Variants in TMEM232 observed in about 807,000 individuals in gnomAD.
TMEM232 encodes the protein transmembrane protein 232.
A neutral mutation model predicts 78.8 loss-of-function variants in TMEM232; 80 were observed. The ratio of observed to expected loss-of-function variants is 1.01; its 90% CI spans 0.85 to 1.22. TMEM232 has a LOEUF of 1.22. TMEM232 is among the 50% of genes most tolerant of loss of function. The pLI, the probability that TMEM232 is intolerant of heterozygous loss-of-function variation, is 0.00. For synonymous variants in TMEM232, 297 were observed against 254.3 expected, an observed-to-expected ratio of 1.17 and a Z score of -1.60; for missense variants, 881 against 742.2, an observed-to-expected ratio of 1.19 and a Z score of -2.17.
Position 110,595,538 on chromosome 5 carries a change from C to T in TMEM232, c.1276+9571G>A, listed in dbSNP as rs181638495. ...AACTAAGAATTTTGATAAAAGGTTA[C>T]AGGAACTGCTAACTAGAATATCCAG... On this transcript the variant is annotated intron_variant, in intron 10 of 13. Transcript: ENST00000455884. Among the ~76,000 whole-genome samples the T allele has an allele frequency of 1.0e-3, 155 of 152,198 alleles. 1 individual carries two copies. The highest frequency in any genetic ancestry group is 3.5e-3 in the African/African-American group (147 of 41,542).
intron 2 of TMEM232, among the ~76,000 whole-genome samples, chr5:110,398,337 T>C (rs1214114507): frequency 6.6e-6 from 1 of 152,170 alleles, no homozygotes; most frequent in Non-Finnish European, 1.5e-5. Context: ...TTGGTAGTTT[T>C]CATTTGGGTA....
rs754173049 is a variant in TMEM232 at position 110,627,859 on chromosome 5, G to A, written c.523C>T (p.Arg175Ter). 2.9e-5 allele frequency: 45 copies of A among 1,530,404 alleles called. No homozygotes were observed. The highest frequency in any genetic ancestry group is 1.1e-4 in the South Asian group (9 of 78,868). 94.8% of individuals were successfully genotyped at this position (1,530,404 alleles called of 1,614,324 possible). Residue 175 changes from arginine (R) to a stop codon, truncating the protein, a stop_gained, in exon 6 of 14, where the codon CGA becomes TGA. Coordinates refer to ENST00000455884, the MANE Select transcript of TMEM232 (RefSeq NM_001039763.4). LOFTEE classifies it high-confidence loss of function. ...LAKIGYLVFL[R>*]LFIFFLHGHL... ...CCATGCAGGAAAAATATAAAAAGTC[G>A]TAAGAAGACCAAATAGCCAATCTGT...
intron 12 of TMEM232, among the ~76,000 whole-genome samples, chr5:110,446,553 CCT>C (rs1003965946): frequency 2.0e-5 from 3 of 151,304 alleles, no homozygotes; most frequent in African/African-American, 7.4e-5. Context: ...CATTCTTTTT[CCT>C]CTGTTTTCAG....
At chr5:110,602,067 T>C (rs1250827043) in intron 10 of TMEM232, among the ~76,000 whole-genome samples, 3 of 152,124 alleles carry the variant, frequency 2.0e-5, no homozygotes, top group Non-Finnish European at 4.4e-5. Flanking sequence ...ATTTAATAAA[T>C]GGTGCTGGGA....
chr5:110,519,658 G>A (rs1769207855), intron 12 of TMEM232, among the ~76,000 whole-genome samples: 1 of 151,848 alleles, frequency 6.6e-6, no homozygotes, highest in Non-Finnish European at 1.5e-5. Flanking sequence ...TATATCAAAG[G>A]AATATTGCAC....
At position 110,419,520 on chromosome 5, in the gene TMEM232, T is replaced by C. The variant is rs532232853; in HGVS notation, c.*1060A>G. 1.4e-4 allele frequency among the ~76,000 whole-genome samples: 21 copies of C among 152,296 alleles called. No individual in the cohort carries two copies. Among genetic ancestry groups the C allele is most frequent in the Middle Eastern group, 3.4e-3 (1 of 294 alleles). On this transcript the variant is annotated 3_prime_UTR_variant, in exon 14 of 14. Coordinates refer to ENST00000455884, the MANE Select transcript of TMEM232 (RefSeq NM_001039763.4). ...ATTTGGTTACTTAGCTACTTTTATT[T>C]TGAAAAATAATCCCATTTAAAAGCT...
intron 2 of TMEM232, among the ~76,000 whole-genome samples, chr5:110,400,884 G>C (rs2112568835): frequency 6.6e-6 from 1 of 152,080 alleles, no homozygotes; most frequent in South Asian, 2.1e-4. Context: ...TAGCTCCTAG[G>C]TAAAATTGTT....
chr5:110,629,465 G>A (rs1367496729), intron 5 of TMEM232, among the ~76,000 whole-genome samples: 1 of 151,898 alleles, frequency 6.6e-6, no homozygotes. Context: ...TTTCCATATT[G>A]TATACTGGAC....
At chr5:110,668,323 C>A (rs575852010) in intron 1 of TMEM232, among the ~76,000 whole-genome samples, 5 of 152,102 alleles carry the variant, frequency 3.3e-5, no homozygotes, top group Admixed American at 2.0e-4. Context: ...AAAGCTTTGG[C>A]CTTTAAGTGA....
intron 1 of TMEM232, among the ~76,000 whole-genome samples, chr5:110,675,696 G>T (rs1365328094): frequency 2.6e-5 from 4 of 152,104 alleles, no homozygotes; most frequent in African/African-American, 4.8e-5. Context: ...TGTATAATGT[G>T]ATGTTTTCAT....
intron 12 of TMEM232, among the ~76,000 whole-genome samples, chr5:110,496,370 C>G (rs1264132737): frequency 6.6e-6 from 1 of 151,922 alleles, no homozygotes; most frequent in Non-Finnish European, 1.5e-5. Context: ...AACACTATTA[C>G]TCATCTAGAT....
At chr5:110,463,519 A>T (rs537032885) in intron 12 of TMEM232, among the ~76,000 whole-genome samples, 1 of 152,338 alleles carries the variant, frequency 6.6e-6, no homozygotes, top group African/African-American at 2.4e-5. Context: ...TATCATATTT[A>T]GATGTTTATT....
At chr5:110,738,932 T>TAGCACGTC, upstream of TMEM232, 2 of 1,423,850 alleles carry the variant, frequency 1.4e-6, no homozygotes, top group Non-Finnish European at 1.8e-6. Flanking sequence ...AACCGTGCCC[T>TAGCACGTC]TTAATGGTTG....
intron 12 of TMEM232, among the ~76,000 whole-genome samples, chr5:110,454,482 A>G (rs1428940857): frequency 6.6e-6 from 1 of 152,058 alleles, no homozygotes; most frequent in Non-Finnish European, 1.5e-5. Context: ...GCAACATAGC[A>G]AGACTCTGTC....
At chr5:110,664,306 T>C (rs1362106727) in intron 2 of TMEM232, among the ~76,000 whole-genome samples, 1 of 152,196 alleles carries the variant, frequency 6.6e-6, no homozygotes, top group Non-Finnish European at 1.5e-5. Context: ...AGAATATACA[T>C]AATTACCAAT....
intron 1 of TMEM232, among the ~76,000 whole-genome samples, chr5:110,679,173 T>C (rs1792400332): frequency 6.6e-6 from 1 of 152,214 alleles, no homozygotes; most frequent in African/African-American, 2.4e-5. Flanking sequence ...TGTTGTTCCA[T>C]GTCCTTGCCC....
At chr5:110,591,950 C>G (rs927980863) in intron 10 of TMEM232, among the ~76,000 whole-genome samples, 1 of 152,048 alleles carries the variant, frequency 6.6e-6, no homozygotes, top group Non-Finnish European at 1.5e-5. Flanking sequence ...ACCTTTGGAA[C>G]CCTCCATTTT....
chr5:110,520,909 A>T (rs1769407414), intron 12 of TMEM232, among the ~76,000 whole-genome samples: 1 of 150,468 alleles, frequency 6.6e-6, no homozygotes, highest in South Asian at 2.1e-4. Flanking sequence ...TAAGTGCAAA[A>T]CTCCATTTCA....
intron 12 of TMEM232, 65 bp downstream of exon 12, chr5:110,528,523 T>C (rs981907859): frequency 2.2e-6 from 3 of 1,392,686 alleles, no homozygotes; most frequent in Non-Finnish European, 2.8e-6. Flanking sequence ...CATAATTATC[T>C]ATAATTTCTG....
Sources: gnomAD v4.1 joint callset for allele counts (sites outside exome capture counted in the v4.1 genomes callset) on GRCh38, gnomAD v4.1.1 for gene constraint, MANE v1.5 for transcripts, NCBI Gene and HGNC (gene_info 2026-07-23, HGNC 2026-07-21) for gene names.